Variants in PDE6A observed in about 807,000 individuals in gnomAD.
PDE6A encodes the protein phosphodiesterase 6A.
In PDE6A, 84 loss-of-function variants were observed where a neutral mutation model predicts 106.3. The ratio of observed to expected loss-of-function variants is 0.79; its 90% CI spans 0.66 to 0.95. The LOEUF is 0.95. PDE6A is among the 40% of genes least tolerant of loss of function. PDE6A has a pLI of 0.00. For missense variants in PDE6A, 1,052 were observed against 1,084.9 expected (o/e 0.97, Z 0.43); for synonymous variants, 394 against 386.6 (o/e 1.02, Z -0.23).
At chr5:149,933,843 C>T in intron 3 of PDE6A, 87 bp downstream of exon 3, 1 of 939,194 alleles carries the variant, frequency 1.1e-6, no homozygotes, top group Non-Finnish European at 1.7e-6. Context: ...TAGGCACCTT[C>T]ATTCCCATCT....
At chr5:149,866,081 C>A in intron 20 of PDE6A, 89 bp downstream of exon 20, 1 of 928,484 alleles carries the variant, frequency 1.1e-6, no homozygotes, top group Non-Finnish European at 1.8e-6. Flanking sequence ...CCACTGGTCA[C>A]CTGCTAGGGT....
Position 149,867,825 on chromosome 5 carries a change from G to A in PDE6A, c.2200-26C>T, listed in dbSNP as rs374187180. 2.8e-5 allele frequency: 45 copies of A among 1,604,930 alleles called. 1 individual carries two copies. In the East Asian group the frequency reaches 6.0e-4, roughly 21 times the overall value. ...CTGCAACAGACAGACCCTCACACAC[G>A]CAGAGTCAGAGCCCCAGCCCAATCC... On this transcript the variant is annotated intron_variant, in intron 18 of 21. Coordinates refer to ENST00000255266, the MANE Select transcript of PDE6A (RefSeq NM_000440.3).
intron 11 of PDE6A, 101 bp downstream of exon 11, chr5:149,896,608 CAG>C: frequency 6.2e-7 from 1 of 1,613,744 alleles, no homozygotes; most frequent in Non-Finnish European, 8.5e-7. Context: ...AGGATCAGAA[CAG>C]AGTGATGGGG....
intron 17 of PDE6A, among the ~76,000 whole-genome samples, chr5:149,871,916 G>A (rs1760574097): frequency 6.6e-6 from 1 of 152,202 alleles, no homozygotes; most frequent in Admixed American, 6.5e-5. Flanking sequence ...AGTCAACTCA[G>A]CAGCATTTGG....
intron 17 of PDE6A, among the ~76,000 whole-genome samples, chr5:149,870,962 AG>A (rs61348834): frequency 6.6e-6 from 1 of 151,940 alleles, no homozygotes. Flanking sequence ...AGAAAAGAAA[AG>A]AAAAAAAGAA....
chr5:149,927,406 T>C (rs1005446436), intron 4 of PDE6A, among the ~76,000 whole-genome samples: 4 of 152,166 alleles, frequency 2.6e-5, no homozygotes, highest in African/African-American at 9.7e-5. Flanking sequence ...CTTTCTTCAA[T>C]AGTAAATTAA....
intron 8 of PDE6A, 69 bp downstream of exon 8, chr5:149,903,579 T>C: frequency 8.6e-7 from 1 of 1,165,620 alleles, no homozygotes; most frequent in Non-Finnish European, 1.3e-6. Context: ...TGGATTCTAA[T>C]GTATTCTAAT....
At chr5:149,868,254 T>A in intron 17 of PDE6A, 96 bp from the exon 18 acceptor site, 1 of 1,227,254 alleles carries the variant, frequency 8.1e-7, no homozygotes, top group Non-Finnish European at 1.2e-6. Context: ...CCCCCACTAG[T>A]AGGTGACTTT....
At chr5:149,903,381 T>C (rs1753058708) in intron 8 of PDE6A, among the ~76,000 whole-genome samples, 1 of 150,110 alleles carries the variant, frequency 6.7e-6, no homozygotes, top group Non-Finnish European at 1.5e-5. Flanking sequence ...TTATATATTG[T>C]ATATTATATA....
chr5:149,880,309 A>C (rs1382902920), intron 17 of PDE6A, among the ~76,000 whole-genome samples: 1 of 152,174 alleles, frequency 6.6e-6, no homozygotes, highest in Non-Finnish European at 1.5e-5. Flanking sequence ...TTTCTAAATC[A>C]AGTCCCCCTA....
chr5:149,940,572 A>G (rs1374851562), intron 1 of PDE6A, among the ~76,000 whole-genome samples: 1 of 147,918 alleles, frequency 6.8e-6, no homozygotes, highest in East Asian at 2.0e-4. Context: ...GTCTCGGCTC[A>G]CTGCAACCTC....
chr5:149,941,836 C>T (rs1226263427), intron 1 of PDE6A, among the ~76,000 whole-genome samples: 2 of 152,194 alleles, frequency 1.3e-5, no homozygotes, highest in Non-Finnish European at 2.9e-5. Context: ...TGAATATGAA[C>T]TGTTTATTAG....
intron 19 of PDE6A, 200 bp from the exon 20 acceptor site, chr5:149,866,453 C>T: frequency 1.8e-6 from 1 of 543,248 alleles, no homozygotes; most frequent in South Asian, 2.1e-5. Context: ...ATGTGGGAAA[C>T]TGCACAAAAA....
At chr5:149,892,437 A>G (rs921328497) in intron 13 of PDE6A, among the ~76,000 whole-genome samples, 28 of 151,428 alleles carry the variant, frequency 1.8e-4, no homozygotes, top group African/African-American at 5.8e-4. Flanking sequence ...TAGTCTATGG[A>G]TATGTTATTA....
chr5:149,901,064 C>T (rs1436120180), intron 8 of PDE6A, among the ~76,000 whole-genome samples: 2 of 152,160 alleles, frequency 1.3e-5, no homozygotes, highest in African/African-American at 2.4e-5. Flanking sequence ...TACAGATGCC[C>T]ACTACCACGC....
chr5:149,923,560 TAACATAACATAACATAACAA>T (rs762077812), intron 4 of PDE6A, among the ~76,000 whole-genome samples: 2 of 66,088 alleles, frequency 3.0e-5, no homozygotes, highest in East Asian at 9.7e-4. Context: ...TAACATAACA[TAACATAACATAACATAACAA>T]ACAACAACAC....
chr5:149,897,934 G>A (rs939329898), intron 10 of PDE6A, among the ~76,000 whole-genome samples: 1 of 152,196 alleles, frequency 6.6e-6, no homozygotes, highest in African/African-American at 2.4e-5. Flanking sequence ...GAGGCTCTGA[G>A]AAACTGATAA....
rs997619835 is a variant in PDE6A, at chr5:149,859,933, C to T, written c.*962G>A. 1 of 152,240 alleles carries T rather than the reference C, an allele frequency of 6.6e-6. No homozygotes were observed. Among genetic ancestry groups the T allele is most frequent in the Non-Finnish European group, 1.5e-5 (1 of 68,080 alleles). 9.4% of individuals were successfully genotyped at this position (152,240 alleles called of 1,614,324 possible). A position where few individuals can be genotyped will look rare whatever the true frequency, so the allele number is the denominator to read the frequency against. On this transcript the variant is annotated 3_prime_UTR_variant, in exon 22 of 22. Coordinates refer to ENST00000255266, the MANE Select transcript of PDE6A (RefSeq NM_000440.3). ...CTTTTGCTTTTGTTTGAGTCAGAGT[C>T]TCGCTCGGTCGCCCAAGCTGGAGTG...
chr5:149,863,366 G>A lies in PDE6A; in HGVS notation c.2359-100C>T. The A allele has an allele frequency of 2.4e-6, 3 of 1,240,294 alleles. No individual in the cohort carries two copies. Among genetic ancestry groups the A allele is most frequent in the Non-Finnish European group, 2.3e-6 (2 of 857,828 alleles). 76.8% of individuals were successfully genotyped at this position (1,240,294 alleles called of 1,614,324 possible). The stretch of plus-strand genomic sequence containing the variant: ...GAAACGTCCAACACTGGAATGAGCT[G>A]CTTCGGAGTAGCAGGCCTCCCGCCA... On this transcript the variant is annotated intron_variant, in intron 20 of 21. Coordinates refer to ENST00000255266, the MANE Select transcript of PDE6A (RefSeq NM_000440.3). The surrounding 1 kb of genome is among the most constrained non-coding windows in gnomAD (Gnocchi z 4.7).
Sources: gnomAD v4.1 joint callset for allele counts (sites outside exome capture counted in the v4.1 genomes callset) on GRCh38, gnomAD v4.1.1 for gene constraint, Gnocchi (gnomAD v3.1) non-coding constraint, MANE v1.5 for transcripts, NCBI Gene and HGNC (gene_info 2026-07-23, HGNC 2026-07-21) for gene names.